The following ZNF93 variants were observed in gnomAD, a reference collection of about 807,000 sequenced individuals.
ZNF93 encodes the protein zinc finger protein 93, also known as zinc finger protein 505.
In ZNF93, 29 loss-of-function variants were observed where a neutral mutation model predicts 45.0. The observed-to-expected ratio is 0.64, with a 90% CI of 0.48 to 0.88. ZNF93 has a LOEUF of 0.88. Among genes scored for constraint, ZNF93 ranks in the 40% least tolerant of loss-of-function variants. The probability of loss-of-function intolerance (pLI) is 0.00; values close to 1 mark genes in which losing one functional copy is unlikely to be tolerated. For synonymous variants in ZNF93, 223 were observed against 244.6 expected (o/e 0.91, Z 0.82); for missense variants, 578 against 724.0 (o/e 0.80, Z 2.31).
intron 1 of ZNF93, among the ~76,000 whole-genome samples, chr19:19,904,865 C>G (rs775688951): frequency 6.6e-6 from 1 of 152,158 alleles, no homozygotes; most frequent in East Asian, 1.9e-4. Flanking sequence ...CACAGGATTC[C>G]CACCCACTCA....
chr19:19,925,361 T>G (rs2063353264), intron 3 of ZNF93, among the ~76,000 whole-genome samples: 1 of 152,178 alleles, frequency 6.6e-6, no homozygotes, highest in Non-Finnish European at 1.5e-5. Flanking sequence ...TTCTCAAACC[T>G]TAATGTACCG....
rs148761476 is a variant in ZNF93, at chr19:19,932,891, T to C, written c.227-291T>C. ...AATGCTGTGAGTCATTTGAAAGACA[T>C]TGCATTAAATCTGTAGATTAAATTG... is the stretch of plus-strand genomic sequence containing the variant. On this transcript the variant is annotated intron_variant, in intron 3 of 3. Transcript: ENST00000343769. 5.0e-4 allele frequency: 94 copies of C among 189,056 alleles called. No homozygotes were observed. In the East Asian group the frequency reaches 9.0e-3, roughly 18 times the overall value. 11.7% of individuals were successfully genotyped at this position (189,056 alleles called of 1,614,324 possible).
At chr19:19,908,600 T>G (rs2063299096) in intron 1 of ZNF93, 1 of 152,120 alleles carries the variant, frequency 6.6e-6, no homozygotes, top group Admixed American at 6.6e-5. Context: ...CCCAGCACTT[T>G]GGGAGGCCGA....
intron 1 of ZNF93, among the ~76,000 whole-genome samples, chr19:19,912,197 C>T (rs1164657034): frequency 6.6e-6 from 1 of 152,244 alleles, no homozygotes; most frequent in East Asian, 1.9e-4. Context: ...ATAAAAACTA[C>T]AGAAACTCTG....
rs1480228028 is a variant in ZNF93 at position 19,935,465 on chromosome 19, C to T, written c.*647C>T. On this transcript the variant is annotated 3_prime_UTR_variant, in exon 4 of 4. Coordinates refer to ENST00000343769, the MANE Select transcript of ZNF93 (RefSeq NM_031218.4). ...AGGTGTTTGCTCCATCAAATTCAGA[C>T]ACCAGTACAAAACTATATTATGCCC... The T allele has an allele frequency of 1.3e-5, 2 of 152,394 alleles. No individual in the cohort carries two copies. The highest frequency in any genetic ancestry group is 1.3e-4 in the Admixed American group (2 of 15,292). 9.4% of individuals were successfully genotyped at this position (152,394 alleles called of 1,614,324 possible).
chr19:19,930,608 G>A (rs548582594), intron 3 of ZNF93, among the ~76,000 whole-genome samples: 26 of 149,006 alleles, frequency 1.7e-4, no homozygotes, highest in African/African-American at 5.2e-4. Context: ...GAGCCCTCTG[G>A]TGGCCTTGTC....
At chr19:19,916,287 C>G (rs560270408) in intron 2 of ZNF93, among the ~76,000 whole-genome samples, 68 of 152,090 alleles carry the variant, frequency 4.5e-4, no homozygotes, top group Non-Finnish European at 6.6e-4. Flanking sequence ...GTCTGGTCTC[C>G]AACTCCTGAC....
At chr19:19,905,656 T>C (rs1410544396) in intron 1 of ZNF93, among the ~76,000 whole-genome samples, 2 of 152,190 alleles carry the variant, frequency 1.3e-5, no homozygotes, top group East Asian at 3.8e-4. Context: ...CATGGCATGC[T>C]ATTGGCTTAC....
At chr19:19,902,818 G>C (rs1163021897) in intron 1 of ZNF93, among the ~76,000 whole-genome samples, 1 of 149,720 alleles carries the variant, frequency 6.7e-6, no homozygotes, top group African/African-American at 2.5e-5. Context: ...CTCACTGCAA[G>C]CTCCGCCTCC....
At position 19,935,026 on chromosome 19, in the gene ZNF93, G is replaced by A; in HGVS notation, c.*208G>A. On this transcript the variant is annotated 3_prime_UTR_variant, in exon 4 of 4. Transcript: ENST00000343769. ...TGGCCTTTACTACGGTACCTGAAGT[G>A]GTTCAATGACTCAGTTTCAGTTACC... is the stretch of plus-strand genomic sequence containing the variant. The A allele has an allele frequency of 1.8e-6, 1 of 544,830 alleles. No individual in the cohort carries two copies. Among genetic ancestry groups the A allele is most frequent in the East Asian group, 3.0e-5 (1 of 33,712 alleles). The allele number at this position is 544,830 out of a possible 1,614,324, so 33.7% of individuals were successfully genotyped here.
At chr19:19,926,539 A>G (rs1362685934) in intron 3 of ZNF93, among the ~76,000 whole-genome samples, 1 of 149,406 alleles carries the variant, frequency 6.7e-6, no homozygotes, top group Non-Finnish European at 1.5e-5. Context: ...GCTGGAGCGC[A>G]GTGGCGTGAT....
intron 3 of ZNF93, among the ~76,000 whole-genome samples, chr19:19,925,367 T>C (rs10411195): frequency 0.078 from 11,873 of 152,248 alleles, 977 homozygotes; most frequent in African/African-American, 0.21. Flanking sequence ...AACCTTAATG[T>C]ACCGTGGAGC....
At position 19,915,306 on chromosome 19, in the gene ZNF93, C is replaced by T; in HGVS notation, c.30C>T (p.Ala10=). The change falls in exon 2 of 4, where the codon GCC becomes GCT. Residue 10 remains alanine, a synonymous_variant. Transcript: ENST00000343769. ...GACCATTGCAATTTAGAGATGTGGC[C>T]ATAGAATTCTCTCTGGAGGAGTGGC... MGPLQFRDV[A]IEFSLEEWHC... is the part of the protein sequence containing the mutation. 3 of 1,613,928 alleles carry T rather than the reference C, an allele frequency of 1.9e-6. No individual in the cohort carries two copies. Among genetic ancestry groups the T allele is most frequent in the Non-Finnish European group, 1.7e-6 (2 of 1,179,948 alleles).
chr19:19,912,508 T>C (rs1001837870), intron 1 of ZNF93, among the ~76,000 whole-genome samples: 1 of 152,206 alleles, frequency 6.6e-6, no homozygotes, highest in Non-Finnish European at 1.5e-5. Flanking sequence ...AAGGTGTTTG[T>C]TTTTAAATTT....
In ZNF93 at chr19:19,915,359, T is replaced by C; in HGVS notation, c.83T>C (p.Leu28Pro). 1 of 1,614,112 alleles carries C rather than the reference T, an allele frequency of 6.2e-7. No homozygotes were observed. Among genetic ancestry groups the C allele is most frequent in the Non-Finnish European group, 8.5e-7 (1 of 1,179,986 alleles). The part of the protein sequence containing the change: ...WHCLDTAQRN[L>P]YRNVMLENYS... ...TGCCTGGACACTGCACAGCGGAATC[T>C]ATATAGGAATGTGATGTTAGAGAAC... is the stretch of plus-strand genomic sequence containing the variant. The change falls in exon 2 of 4, where the codon CTA (leucine) becomes CCA (proline). Residue 28 changes from leucine to proline, a missense_variant. This residue lies in a region of ZNF93 where 446 missense variants were observed against 547.6 expected (regional missense o/e 0.81). Transcript: ENST00000343769.
intron 3 of ZNF93, among the ~76,000 whole-genome samples, chr19:19,922,409 A>G (rs532310835): frequency 1.1e-4 from 16 of 152,028 alleles, no homozygotes; most frequent in African/African-American, 3.9e-4. Context: ...TCTGACAATT[A>G]TGTGTCTTGG....
intron 2 of ZNF93, 50 bp from the exon 3 acceptor site, chr19:19,916,510 T>C: frequency 6.8e-7 from 1 of 1,469,344 alleles, no homozygotes; most frequent in Non-Finnish European, 9.5e-7. Context: ...TACTAGCTTG[T>C]AATTGGAGAA....
intron 3 of ZNF93, among the ~76,000 whole-genome samples, chr19:19,930,761 G>T (rs958145274): frequency 2.6e-5 from 4 of 152,088 alleles, no homozygotes; most frequent in African/African-American, 9.7e-5. Flanking sequence ...AAAAGTAATT[G>T]CTACCAACTA....
At chr19:19,930,490 G>A (rs1440367947) in intron 3 of ZNF93, among the ~76,000 whole-genome samples, 1 of 152,050 alleles carries the variant, frequency 6.6e-6, no homozygotes, top group Non-Finnish European at 1.5e-5. Flanking sequence ...TCCCTTTCCT[G>A]GTCCGCTAAG....
Sources: allele counts gnomAD v4.1 joint callset (sites outside exome capture counted in the v4.1 genomes callset), GRCh38; gene constraint gnomAD v4.1.1; regional missense constraint gnomAD v4.1.1; transcripts MANE v1.5; gene names NCBI Gene and HGNC (gene_info 2026-07-23, HGNC 2026-07-21).